Variants in STRADA observed in about 807,000 individuals in gnomAD.
STRADA encodes STE20-related kinase adapter protein alpha.
STRADA carries 26 observed loss-of-function variants against 55.0 expected under a neutral mutation model. That is an observed-to-expected ratio of 0.47 (90% CI 0.35 to 0.66). The LOEUF is 0.66. Ranked by LOEUF, STRADA falls within the 30% of genes least tolerant of loss-of-function variation. The probability of loss-of-function intolerance (pLI) is 0.01; values close to 1 mark genes in which losing one functional copy is unlikely to be tolerated. For missense variants in STRADA, 443 were observed against 549.7 expected (o/e 0.81, Z 1.94); for synonymous variants, 197 against 210.9 (o/e 0.93, Z 0.57).
At chr17:63,730,024 T>C (rs922786750) in intron 1 of STRADA, among the ~76,000 whole-genome samples, 29 of 151,778 alleles carry the variant, frequency 1.9e-4, no homozygotes, top group African/African-American at 6.5e-4. Flanking sequence ...TTAGTAGAGA[T>C]GGCGTTTCAC....
intron 8 of STRADA, among the ~76,000 whole-genome samples, chr17:63,708,472 G>A (rs746455808): frequency 2.6e-5 from 4 of 151,958 alleles, no homozygotes; most frequent in Middle Eastern, 3.2e-3. Flanking sequence ...TGCTGCCACT[G>A]CATCCAGCTA....
intron 4 of STRADA, among the ~76,000 whole-genome samples, chr17:63,716,031 G>C (rs141879812): frequency 8.6e-5 from 13 of 151,368 alleles, no homozygotes; most frequent in African/African-American, 3.2e-4. Flanking sequence ...AACTGTTTGA[G>C]ACAATGCCAA....
At position 63,710,567 on chromosome 17, in the gene STRADA, C is replaced by G; in HGVS notation, c.505G>C (p.Glu169Gln). The G allele has an allele frequency of 1.2e-6, 2 of 1,614,050 alleles. No homozygotes were observed. The highest frequency in any genetic ancestry group is 1.7e-6 in the Non-Finnish European group (2 of 1,179,916). ...TGCAGGATGTAAGCAATCGCCAGCTCATTCATGCCATCCATGAAGTGTGTA... is the reference window on the plus strand; with the variant it reads ...TGCAGGATGTAAGCAATCGCCAGCTGATTCATGCCATCCATGAAGTGTGTA... ...ICTHFMDGMN[E>Q]LAIAYILQGV... The change falls in exon 8 of 13, where the codon GAG (glutamate) becomes CAG (glutamine). Residue 169 changes from glutamate to glutamine, a missense_variant. By Grantham distance (29) the Glu-to-Gln change is conservative. Transcript: ENST00000336174.
In STRADA at chr17:63,728,084, A is replaced by G; in HGVS notation, c.36+250T>C. 8.8e-6 allele frequency: 4 copies of G among 456,410 alleles called. No homozygotes were observed. The South Asian group carries it at 1.3e-4, about 14-fold the overall frequency. 28.3% of individuals were successfully genotyped at this position (456,410 alleles called of 1,614,324 possible). A position where few individuals can be genotyped will look rare whatever the true frequency, so the allele number is the denominator to read the frequency against. On this transcript the variant is annotated intron_variant, in intron 2 of 12. Coordinates refer to ENST00000336174, the MANE Select transcript of STRADA (RefSeq NM_001003787.4). ...ATTTAATGTTGTATGACTGATATTCATGAAATAAGCCACTTTCTTCTTATT... is the reference window on the plus strand; with the variant it reads ...ATTTAATGTTGTATGACTGATATTCGTGAAATAAGCCACTTTCTTCTTATT...
chr17:63,739,760 T>G (rs369072421), intron 1 of STRADA, among the ~76,000 whole-genome samples: 2 of 110,612 alleles, frequency 1.8e-5, no homozygotes, highest in African/African-American at 7.9e-5. Context: ...CATTATATAT[T>G]TATGTATATA....
At position 63,704,447 on chromosome 17, in the gene STRADA, G is replaced by GGGT; in HGVS notation, c.991_993dup (p.Thr331dup). ...GGCGAGTCACCGTTGGAGGGCCGGG[G>GGGT]GGTGCTGGTGGTCAGGCTGTCACTC... On this transcript the variant is annotated inframe_insertion, in exon 11 of 13. Transcript: ENST00000336174. 6.2e-7 allele frequency: 1 copy of GGGT among 1,613,068 alleles called. No homozygotes were observed.
chr17:63,738,336 G>C (rs561716073), intron 1 of STRADA, among the ~76,000 whole-genome samples: 1 of 99,544 alleles, frequency 1.0e-5, no homozygotes, highest in South Asian at 3.1e-4. Flanking sequence ...GCGAGACTCC[G>C]ACTCAAAAAA....
intron 10 of STRADA, 164 bp from the exon 11 acceptor site, chr17:63,704,746 A>G (rs747844514): frequency 2.5e-5 from 38 of 1,525,102 alleles, no homozygotes; most frequent in Middle Eastern, 2.2e-4. Context: ...TTTCCCAAAG[A>G]AACGCTGGTC....
chr17:63,741,378 C>A (rs2038934499), intron 1 of STRADA: 1 of 152,388 alleles, frequency 6.6e-6, no homozygotes, highest in African/African-American at 2.4e-5. Flanking sequence ...CTGGGGACAG[C>A]GGGGAGCCCA....
At chr17:63,733,844 C>T (rs2038236110) in intron 1 of STRADA, among the ~76,000 whole-genome samples, 2 of 152,206 alleles carry the variant, frequency 1.3e-5, no homozygotes. Flanking sequence ...TGGTTGATAA[C>T]ATTTCACACA....
intron 4 of STRADA, among the ~76,000 whole-genome samples, chr17:63,716,458 T>C (rs1982400): frequency 0.69 from 104,931 of 151,986 alleles, 37,429 homozygotes; most frequent in African/African-American, 0.89. Context: ...TCTTAATTTT[T>C]GCCAGTCTCA....
intron 10 of STRADA, 39 bp from the exon 11 acceptor site, chr17:63,704,621 G>GGT: frequency 1.2e-5 from 1 of 82,566 alleles, no homozygotes; most frequent in Non-Finnish European, 2.4e-5. Context: ...TGTAGCGGGT[G>GGT]GGGGGGGGGG....
Position 63,720,772 on chromosome 17 carries a change from A to T in STRADA, c.123+2526T>A, listed in dbSNP as rs1161774322. On this transcript the variant is annotated intron_variant, in intron 4 of 12. Coordinates refer to ENST00000336174, the MANE Select transcript of STRADA (RefSeq NM_001003787.4). ...CCTGGGCGACAGAGCGAGACTGTTT[A>T]AAAAAAAAAAAAAAAAAAGTAAAAA... 1.2e-4 allele frequency among the ~76,000 whole-genome samples: 14 copies of T among 121,012 alleles called. No homozygotes were observed. The East Asian group carries it at 1.9e-3, about 17-fold the overall frequency. The allele number at this position is 121,012 out of a possible 152,430, so 79.4% of individuals were successfully genotyped here. A position where few individuals can be genotyped will look rare whatever the true frequency, so the allele number is the denominator to read the frequency against.
At chr17:63,738,477 TTC>T (rs1414282120) in intron 1 of STRADA, among the ~76,000 whole-genome samples, 1 of 152,152 alleles carries the variant, frequency 6.6e-6, no homozygotes, top group Non-Finnish European at 1.5e-5. Flanking sequence ...CACTAGTCAT[TTC>T]TCTGTCTCTC....
intron 9 of STRADA, among the ~76,000 whole-genome samples, chr17:63,707,015 G>A (rs1431341444): frequency 6.6e-6 from 1 of 152,224 alleles, no homozygotes; most frequent in East Asian, 1.9e-4. Context: ...CTCATAGGGT[G>A]CCAAGGGTCC....
In STRADA at chr17:63,710,963, A is replaced by G. The variant is rs1226542911; in HGVS notation, c.349-127T>C. 4 of 805,300 alleles carry G rather than the reference A, an allele frequency of 5.0e-6. No individual in the cohort carries two copies. The African/African-American group carries it at 6.9e-5, about 14-fold the overall frequency. The allele number at this position is 805,300 out of a possible 1,614,324, so 49.9% of individuals were successfully genotyped here. ...TGGGTGTTCTCAGAGTCATGGGAACAGCCTAAGCAGGTGCCTGCCAACATA... is the reference window on the plus strand; with the variant it reads ...TGGGTGTTCTCAGAGTCATGGGAACGGCCTAAGCAGGTGCCTGCCAACATA... On this transcript the variant is annotated intron_variant, in intron 6 of 12. Transcript: ENST00000336174.
At chr17:63,711,429 C>T (rs1183943045) in intron 6 of STRADA, among the ~76,000 whole-genome samples, 1 of 152,176 alleles carries the variant, frequency 6.6e-6, no homozygotes, top group Non-Finnish European at 1.5e-5. Flanking sequence ...CGTCTCACTG[C>T]AGCCTGAACT....
intron 1 of STRADA, among the ~76,000 whole-genome samples, chr17:63,739,692 G>C (rs938991721): frequency 6.8e-6 from 1 of 147,860 alleles, no homozygotes; most frequent in Non-Finnish European, 1.5e-5. Context: ...TGTACATAGT[G>C]TATTAATATG....
intron 10 of STRADA, chr17:63,706,093 A>AT (rs1417614308): frequency 6.6e-6 from 1 of 152,248 alleles, no homozygotes; most frequent in African/African-American, 2.4e-5. Flanking sequence ...TGAGGCTTGC[A>AT]TAAGCCTCTT....
Sources: gnomAD v4.1 joint callset for allele counts (sites outside exome capture counted in the v4.1 genomes callset) on GRCh38, gnomAD v4.1.1 for gene constraint, MANE v1.5 for transcripts, NCBI Gene and HGNC (gene_info 2026-07-23, HGNC 2026-07-21) for gene names.